TNR: variants seen among roughly 807,000 people sequenced by gnomAD.
The protein encoded by TNR is tenascin R.
TNR carries 45 observed loss-of-function variants against 150.4 expected under a neutral mutation model. The observed-to-expected ratio is 0.30, with a 90% CI of 0.24 to 0.38. TNR has a LOEUF of 0.38. TNR is among the 10% of genes least tolerant of loss of function. The pLI is 1.00. For missense variants in TNR, 1,544 were observed against 1,759.1 expected (o/e 0.88, Z 2.19); for synonymous variants, 687 against 678.4 (o/e 1.01, Z -0.20).
intron 1 of TNR, among the ~76,000 whole-genome samples, chr1:175,608,401 A>G (rs1445148631): frequency 6.6e-6 from 1 of 152,244 alleles, no homozygotes; most frequent in Non-Finnish European, 1.5e-5. Flanking sequence ...TGGACAGATT[A>G]AAGAAGTAAA....
At chr1:175,514,913 G>A (rs1293622858) in intron 2 of TNR, among the ~76,000 whole-genome samples, 1 of 152,146 alleles carries the variant, frequency 6.6e-6, no homozygotes, top group Non-Finnish European at 1.5e-5. Context: ...TGCTAATAGT[G>A]GTTTCCTGCT....
In TNR at chr1:175,330,066, A is replaced by C. The variant is rs377360796; in HGVS notation, c.3793+8T>G. On this transcript the variant is annotated splice_region_variant and intron_variant, in intron 21 of 22. Transcript: ENST00000367674. ...TGTCCTTGGGGTCTGCTCAGGAGCC[A>C]TAGGTACCCGCAGTGCCGTTGTAGC... is the stretch of plus-strand genomic sequence containing the variant. 10 of 1,569,064 alleles carry C rather than the reference A, an allele frequency of 6.4e-6. No individual in the cohort carries two copies. In the African/African-American group the frequency reaches 1.1e-4, roughly 17 times the overall value.
chr1:175,574,955 C>G (rs995240329), intron 1 of TNR, among the ~76,000 whole-genome samples: 1 of 152,226 alleles, frequency 6.6e-6, no homozygotes, highest in Non-Finnish European at 1.5e-5. Context: ...GTGGACAAAA[C>G]AGATGTAGCA....
intron 1 of TNR, among the ~76,000 whole-genome samples, chr1:175,601,511 T>C (rs1408965031): frequency 1.3e-5 from 2 of 152,234 alleles, no homozygotes; most frequent in East Asian, 3.9e-4. Context: ...ACAATTTTGA[T>C]AAACACTTAG....
intron 20 of TNR, 39 bp downstream of exon 20, chr1:175,335,672 A>T: frequency 6.3e-7 from 1 of 1,577,126 alleles, no homozygotes. Context: ...ACAAAAAGCC[A>T]GAGAAGCACA....
In TNR at chr1:175,614,837, C is replaced by G. The variant is rs557373264; in HGVS notation, c.-164-86468G>C. Among the ~76,000 whole-genome samples the G allele has an allele frequency of 1.2e-4, 19 of 152,368 alleles. 1 individual carries two copies. In the East Asian group the frequency reaches 3.5e-3, roughly 28 times the overall value. ...GAGCACACACAGAGACGTCTCAGCACTCAGGTTCTTCCACACAGTGGGTGA... is the reference window on the plus strand; with the variant it reads ...GAGCACACACAGAGACGTCTCAGCAGTCAGGTTCTTCCACACAGTGGGTGA... On this transcript the variant is annotated intron_variant, in intron 1 of 22. Transcript: ENST00000367674.
intron 1 of TNR, among the ~76,000 whole-genome samples, chr1:175,703,214 C>T (rs1666748825): frequency 6.6e-6 from 1 of 152,310 alleles, no homozygotes; most frequent in African/African-American, 2.4e-5. Context: ...CAGTAGAAGG[C>T]TGTTGGCAAA....
intron 2 of TNR, among the ~76,000 whole-genome samples, chr1:175,478,529 C>T (rs1356216952): frequency 6.6e-6 from 1 of 152,092 alleles, no homozygotes; most frequent in Non-Finnish European, 1.5e-5. Context: ...AGGGCAGAGG[C>T]TACCCTGGGG....
chr1:175,520,271 G>A (rs1292900346), intron 2 of TNR, among the ~76,000 whole-genome samples: 1 of 152,130 alleles, frequency 6.6e-6, no homozygotes, highest in Non-Finnish European at 1.5e-5. Flanking sequence ...ACAGAGTTCT[G>A]GCAGAATCCT....
intron 19 of TNR, 127 bp from the exon 20 acceptor site, chr1:175,335,934 T>C: frequency 1.3e-6 from 1 of 785,254 alleles, no homozygotes; most frequent in Non-Finnish European, 2.0e-6. Context: ...ATGACAAAGA[T>C]GTCCAAAGAA....
intron 1 of TNR, among the ~76,000 whole-genome samples, chr1:175,613,141 C>A (rs1056829033): frequency 1.3e-5 from 2 of 152,140 alleles, no homozygotes; most frequent in Non-Finnish European, 2.9e-5. Flanking sequence ...TGCAGGGTCT[C>A]CTCTGGGTAT....
At chr1:175,591,043 G>A (rs1427330091) in intron 1 of TNR, among the ~76,000 whole-genome samples, 1 of 152,214 alleles carries the variant, frequency 6.6e-6, no homozygotes, top group Non-Finnish European at 1.5e-5. Flanking sequence ...TCTCTGAACT[G>A]GGGAGGGGAG....
rs1201200875 is a variant in TNR at position 175,526,252 on chromosome 1, A to T, written c.-64+2017T>A. On this transcript the variant is annotated intron_variant, in intron 2 of 22. Coordinates refer to ENST00000367674, the MANE Select transcript of TNR (RefSeq NM_003285.3). ...TCAGGTACTAACAGCATTAATATCA[A>T]AGTAAATGGCTAAATAATAGTTGCT... is the stretch of plus-strand genomic sequence containing the variant. Among the ~76,000 whole-genome samples, 147 of 152,312 alleles carry T rather than the reference A, an allele frequency of 9.7e-4. 1 individual carries two copies. The East Asian group carries it at 0.022, about 23-fold the overall frequency.
intron 1 of TNR, among the ~76,000 whole-genome samples, chr1:175,634,919 G>A (rs1464067965): frequency 1.3e-5 from 2 of 152,256 alleles, no homozygotes; most frequent in East Asian, 1.9e-4. Context: ...GCTATTCAAA[G>A]TTGCCCCAGC....
intron 2 of TNR, among the ~76,000 whole-genome samples, chr1:175,431,911 A>ATCTCTCTCTCTCTTTCTCTCCTTCTC (rs1655282461): frequency 7.3e-6 from 1 of 136,374 alleles, no homozygotes; most frequent in Non-Finnish European, 1.5e-5. Flanking sequence ...GGACCATAAT[A>ATCTCTCTCTCTCTTTCTCTCCTTCTC]TCTCTCTCTC....
intron 21 of TNR, among the ~76,000 whole-genome samples, chr1:175,325,759 A>G (rs61805321): frequency 1.6e-3 from 237 of 152,278 alleles, no homozygotes; most frequent in Middle Eastern, 3.4e-3. Context: ...TCAGCAAACT[A>G]TCTCAAGGAC....
At chr1:175,690,847 G>C (rs1666340268) in intron 1 of TNR, among the ~76,000 whole-genome samples, 1 of 152,050 alleles carries the variant, frequency 6.6e-6, no homozygotes, top group Non-Finnish European at 1.5e-5. Flanking sequence ...GAGGAGAGAA[G>C]ATTGAACATA....
At chr1:175,549,702 G>A (rs895199533) in intron 1 of TNR, among the ~76,000 whole-genome samples, 1 of 152,206 alleles carries the variant, frequency 6.6e-6, no homozygotes, top group African/African-American at 2.4e-5. Context: ...CTGTTGCTGA[G>A]TGGAGGTGGC....
chr1:175,573,120 G>A (rs1437815048), intron 1 of TNR, among the ~76,000 whole-genome samples: 1 of 152,224 alleles, frequency 6.6e-6, no homozygotes, highest in Non-Finnish European at 1.5e-5. Context: ...TGCCTAAGCA[G>A]ACGTTGACCA....
Sources: gnomAD v4.1 joint callset for allele counts (sites outside exome capture counted in the v4.1 genomes callset) on GRCh38, gnomAD v4.1.1 for gene constraint, MANE v1.5 for transcripts, NCBI Gene and HGNC (gene_info 2026-07-23, HGNC 2026-07-21) for gene names.